The following ZNF490 variants were observed in gnomAD, a reference collection of about 807,000 sequenced individuals.
ZNF490 encodes zinc finger protein 490.
A neutral mutation model predicts 17.7 loss-of-function variants in ZNF490; 11 were observed. The observed-to-expected ratio is 0.62, with a 90% CI of 0.39 to 1.03. The LOEUF is 1.03. Ranked by LOEUF, ZNF490 falls within the 50% of genes least tolerant of loss-of-function variation. ZNF490 has a pLI of 0.00. For missense variants in ZNF490, 542 were observed against 643.4 expected (o/e 0.84, Z 1.71); for synonymous variants, 222 against 216.1 (o/e 1.03, Z -0.24).
chr19:12,578,595 G>A lies in ZNF490; in HGVS notation c.*1890C>T. The stretch of plus-strand genomic sequence containing the variant: ...CAATGCTGACAATGTCTGTGAATTA[G>A]GATGTGCATAGGCAGATCCCACTTG... On this transcript the variant is annotated 3_prime_UTR_variant, in exon 5 of 5. Coordinates refer to ENST00000311437, the MANE Select transcript of ZNF490 (RefSeq NM_020714.3). 1 of 985,486 alleles carries A rather than the reference G, an allele frequency of 1.0e-6. No individual in the cohort carries two copies. Among genetic ancestry groups the A allele is most frequent in the Non-Finnish European group, 1.2e-6 (1 of 829,960 alleles). The allele number at this position is 985,486 out of a possible 1,614,324, so 61.0% of individuals were successfully genotyped here.
At chr19:12,602,894 G>A (rs2023024259) in intron 2 of ZNF490, among the ~76,000 whole-genome samples, 1 of 152,020 alleles carries the variant, frequency 6.6e-6, no homozygotes, top group Admixed American at 6.6e-5. Context: ...CCAGAGTGCT[G>A]GGATTACAGG....
chr19:12,592,164 T>C (rs182043440), intron 2 of ZNF490, among the ~76,000 whole-genome samples: 118 of 152,252 alleles, frequency 7.8e-4, no homozygotes, highest in Non-Finnish European at 3.4e-4. Flanking sequence ...GGTGAAATCC[T>C]GTCTCTACTA....
chr19:12,599,327 G>A (rs1366005848), intron 2 of ZNF490, among the ~76,000 whole-genome samples: 1 of 151,788 alleles, frequency 6.6e-6, no homozygotes, highest in African/African-American at 2.4e-5. Context: ...AAAGAGGGAT[G>A]TTTAGGACAA....
At chr19:12,609,103 A>G in intron 2 of ZNF490, 55 bp downstream of exon 2, 1 of 1,580,594 alleles carries the variant, frequency 6.3e-7, no homozygotes. Context: ...ACAGACCCAA[A>G]TGGTCATTAT....
chr19:12,581,743 GTAT>G lies in ZNF490; in HGVS notation c.351-22_351-20del, dbSNP rs754211340. The G allele has an allele frequency of 9.7e-6, 15 of 1,550,538 alleles. No individual in the cohort carries two copies. The Admixed American group carries it at 1.9e-4, about 19-fold the overall frequency. ...AGGACTTCTGTAAAGAATGAGTACC[GTAT>G]TATTAATAGTTTTGTATTAATGATC... On this transcript the variant is annotated intron_variant, in intron 4 of 4. Coordinates refer to ENST00000311437, the MANE Select transcript of ZNF490 (RefSeq NM_020714.3).
Position 12,582,881 on chromosome 19 carries a change from C to T in ZNF490, c.319G>A (p.Asp107Asn). ...TTTCTTCCCTGGTTTTTGTGTTCAT[C>T]TTCAATATCCTGGTCTTTCCATTTT... ...GEKWKDQDIE[D>N]EHKNQGRNLR... The change falls in exon 4 of 5, where the codon GAT becomes AAT. Residue 107 changes from aspartate to asparagine, a missense_variant. By Grantham distance (23) the Asp-to-Asn change is conservative (BLOSUM62 1). Transcript: ENST00000311437. The T allele has an allele frequency of 2.5e-6, 4 of 1,613,248 alleles. No homozygotes were observed. Among genetic ancestry groups the T allele is most frequent in the Non-Finnish European group, 3.4e-6 (4 of 1,179,610 alleles).
rs149742929 is a variant in ZNF490, at chr19:12,576,813, C to CAAAAAAA, written c.*3665_*3671dup. On this transcript the variant is annotated 3_prime_UTR_variant, in exon 5 of 5. Transcript: ENST00000311437. ...GCCTGGCAACAGTGAGAATCCATCTCAAAAAAAAAAAAAAAAAAAAAAACC... is the reference window on the plus strand; with the variant it reads ...GCCTGGCAACAGTGAGAATCCATCTCAAAAAAAAAAAAAAAAAAAAAAAAAAAAAACC... Among the ~76,000 whole-genome samples the CAAAAAAA allele has an allele frequency of 8.0e-5, 3 of 37,524 alleles. No homozygotes were observed. Among genetic ancestry groups the CAAAAAAA allele is most frequent in the Admixed American group, 3.1e-4 (1 of 3,258 alleles). The allele number at this position is 37,524 out of a possible 152,430, so 24.6% of individuals were successfully genotyped here. A position where few individuals can be genotyped will look rare whatever the true frequency, so the allele number is the denominator to read the frequency against.
At chr19:12,604,219 A>G (rs565704505) in intron 2 of ZNF490, among the ~76,000 whole-genome samples, 1 of 152,352 alleles carries the variant, frequency 6.6e-6, no homozygotes. Flanking sequence ...GTATCATTTA[A>G]AATATCCTTT....
chr19:12,591,781 T>A (rs2022874894), intron 2 of ZNF490, among the ~76,000 whole-genome samples: 2 of 152,088 alleles, frequency 1.3e-5, no homozygotes, highest in Admixed American at 6.6e-5. Flanking sequence ...TCATCATTAT[T>A]TGCTGCTGGC....
chr19:12,609,183 T>C lies in ZNF490; in HGVS notation c.137A>G (p.His46Arg), dbSNP rs748296083. Residue 46 changes from histidine to arginine, a missense_variant, in exon 2 of 5, where the codon CAT (histidine) becomes CGT (arginine). Physicochemically the swap from His to Arg is conservative, Grantham distance 29. Coordinates refer to ENST00000311437, the MANE Select transcript of ZNF490 (RefSeq NM_020714.3). ...AGTTTGAGTCTTGATGCTTTGTCCA[T>C]GGTGTTCACTGTTCTGCATCTAATT... The part of the protein sequence containing the change: ...DVLQMQNSEH[H>R]GQSIKTQTDS... 1.7e-5 allele frequency: 27 copies of C among 1,614,130 alleles called. No individual in the cohort carries two copies. The highest frequency in any genetic ancestry group is 2.3e-5 in the Non-Finnish European group (27 of 1,179,998).
At chr19:12,595,258 C>T (rs1204422562) in intron 2 of ZNF490, among the ~76,000 whole-genome samples, 1 of 151,778 alleles carries the variant, frequency 6.6e-6, no homozygotes, top group East Asian at 1.9e-4. Flanking sequence ...TCTCCTGCTC[C>T]CTAGTAGCTG....
rs1248116260 is a variant in ZNF490, at chr19:12,579,450, C to G, written c.*1035G>C. ...CCTGTAATGCCAGCTACTAGGGGGCCTGAGGCAGGATTGCTTTGACCTGGG... is the reference window on the plus strand; with the variant it reads ...CCTGTAATGCCAGCTACTAGGGGGCGTGAGGCAGGATTGCTTTGACCTGGG... On this transcript the variant is annotated 3_prime_UTR_variant, in exon 5 of 5. Coordinates refer to ENST00000311437, the MANE Select transcript of ZNF490 (RefSeq NM_020714.3). The G allele has an allele frequency of 6.7e-6, 1 of 148,836 alleles. No homozygotes were observed. The highest frequency in any genetic ancestry group is 2.0e-4 in the East Asian group (1 of 5,070). 9.2% of individuals were successfully genotyped at this position (148,836 alleles called of 1,614,324 possible).
At position 12,580,239 on chromosome 19, in the gene ZNF490, C is replaced by T. The variant is rs1038497653; in HGVS notation, c.*246G>A. The T allele has an allele frequency of 7.9e-7, 1 of 1,270,050 alleles. No homozygotes were observed. The highest frequency in any genetic ancestry group is 9.9e-7 in the Non-Finnish European group (1 of 1,007,894). 78.7% of individuals were successfully genotyped at this position (1,270,050 alleles called of 1,614,324 possible). ...CGTGAAGTGAAGGCTTTCCTACACT[C>T]CATACATTCGTAGCTTTTCTGTCCA... On this transcript the variant is annotated 3_prime_UTR_variant, in exon 5 of 5. Transcript: ENST00000311437.
At chr19:12,582,998 T>G (rs758240437) in intron 3 of ZNF490, 88 bp from the exon 4 acceptor site, 9 of 1,105,990 alleles carry the variant, frequency 8.1e-6, no homozygotes, top group Non-Finnish European at 1.2e-5. Flanking sequence ...AGCTATTGAT[T>G]AGCTATGACA....
rs2022716162 is a variant in ZNF490 at position 12,580,594 on chromosome 19, C to A, written c.1481G>T (p.Arg494Ile). The A allele has an allele frequency of 6.2e-7, 1 of 1,614,030 alleles. No homozygotes were observed. Among genetic ancestry groups the A allele is most frequent in the South Asian group, 1.1e-5 (1 of 91,084 alleles). Reference protein sequence around the residue: ...TCLNSLKVHKRIHTGERPFQC... With the variant: ...TCLNSLKVHKIIHTGERPFQC... ...AAAGGGTCTTTCTCCAGTATGAATTCTTTTGTGTACTTTCAGGGAATTTAA... is the reference window on the plus strand; with the variant it reads ...AAAGGGTCTTTCTCCAGTATGAATTATTTTGTGTACTTTCAGGGAATTTAA... The change falls in exon 5 of 5, where the codon AGA (arginine) becomes ATA (isoleucine). Residue 494 changes from arginine to isoleucine, a missense_variant. Arg to Ile is a moderately conservative substitution (Grantham distance 97). Transcript: ENST00000311437.
intron 2 of ZNF490, among the ~76,000 whole-genome samples, chr19:12,604,816 C>T (rs2023048464): frequency 6.6e-6 from 1 of 150,406 alleles, no homozygotes; most frequent in Non-Finnish European, 1.5e-5. Flanking sequence ...AAGAGCAAAA[C>T]TCCGTCTCAA....
rs762651405 is a variant in ZNF490, at chr19:12,583,550, T to C, written c.169A>G (p.Ile57Val). Residue 57 changes from isoleucine to valine, a missense_variant, in exon 3 of 5, where the codon ATC becomes GTC. Physicochemically the swap from Ile to Val is conservative, Grantham distance 29. Coordinates refer to ENST00000311437, the MANE Select transcript of ZNF490 (RefSeq NM_020714.3). ...TTCACAGCCACATCCTCAAGGGAGATGGAGTCCTAAAACATCCCCCATGTG... is the reference window on the plus strand; with the variant it reads ...TTCACAGCCACATCCTCAAGGGAGACGGAGTCCTAAAACATCCCCCATGTG... ...GQSIKTQTDS[I>V]SLEDVAVNFT... 5 of 1,596,166 alleles carry C rather than the reference T, an allele frequency of 3.1e-6. No homozygotes were observed. The highest frequency in any genetic ancestry group is 4.3e-6 in the Non-Finnish European group (5 of 1,168,682).
chr19:12,598,547 T>C (rs2022962553), intron 2 of ZNF490, among the ~76,000 whole-genome samples: 1 of 151,518 alleles, frequency 6.6e-6, no homozygotes, highest in African/African-American at 2.4e-5. Context: ...GCTAATTTTG[T>C]ATTTTTAGTA....
chr19:12,602,631 T>A (rs189029817), intron 2 of ZNF490, among the ~76,000 whole-genome samples: 1 of 151,872 alleles, frequency 6.6e-6, no homozygotes, highest in East Asian at 1.9e-4. Flanking sequence ...TTCTTTTTTT[T>A]TTTTTTTGTC....
Sources: allele counts gnomAD v4.1 joint callset (sites outside exome capture counted in the v4.1 genomes callset), GRCh38; gene constraint gnomAD v4.1.1; transcripts MANE v1.5; gene names NCBI Gene and HGNC (gene_info 2026-07-23, HGNC 2026-07-21).